Variants in ARFGEF2 observed in about 807,000 individuals in gnomAD.
The protein encoded by ARFGEF2 is brefeldin A-inhibited guanine nucleotide-exchange protein 2.
Under a neutral mutation model 219.9 loss-of-function variants are expected in ARFGEF2, and 74 were observed. The observed-to-expected ratio is 0.34, with a 90% CI of 0.28 to 0.41. The LOEUF is 0.41. ARFGEF2 is among the 10% of genes least tolerant of loss of function. The pLI is 1.00. For synonymous variants in ARFGEF2, 733 were observed against 799.2 expected (o/e 0.92, Z 1.40); for missense variants, 1,743 against 2,218.3 (o/e 0.79, Z 4.30).
rs1316595128 is a variant in ARFGEF2, at chr20:49,013,475, G to A, written c.3919-89G>A. ...ATGGAGATTTTTGGGAGAGAAAAAT[G>A]TGTGGGGCCTTAATCTGCATATAGT... On this transcript the variant is annotated intron_variant, in intron 28 of 38. Coordinates refer to ENST00000371917, the MANE Select transcript of ARFGEF2 (RefSeq NM_006420.3). 5 of 1,549,704 alleles carry A rather than the reference G, an allele frequency of 3.2e-6. No individual in the cohort carries two copies. The Admixed American group carries it at 8.4e-5, about 26-fold the overall frequency.
At chr20:48,980,360 T>G in intron 14 of ARFGEF2, among the ~76,000 whole-genome samples, 1 of 152,238 alleles carries the variant, frequency 6.6e-6, no homozygotes, top group Non-Finnish European at 1.5e-5. Context: ...TTTGTTGTGA[T>G]TTCTGTTCTT....
intron 3 of ARFGEF2, among the ~76,000 whole-genome samples, chr20:48,950,803 AAAAAAAAAATATAT>A (rs1210255663): frequency 2.0e-4 from 8 of 39,668 alleles, no homozygotes; most frequent in Admixed American, 4.3e-4. Flanking sequence ...CTAAAAAAAA[AAAAAAAAAATATAT>A]ATATATATAT....
At chr20:48,984,229 A>G (rs1600633176) in intron 14 of ARFGEF2, among the ~76,000 whole-genome samples, 3 of 152,158 alleles carry the variant, frequency 2.0e-5, no homozygotes, top group Non-Finnish European at 4.4e-5. Context: ...GGGTGGCCTC[A>G]TGGTATAAGA....
intron 37 of ARFGEF2, 78 bp from the exon 38 acceptor site, chr20:49,031,971 C>A: frequency 1.9e-6 from 2 of 1,031,570 alleles, no homozygotes; most frequent in Non-Finnish European, 3.0e-6. Flanking sequence ...AAAAATAGCA[C>A]AAGAATGAAT....
intron 13 of ARFGEF2, among the ~76,000 whole-genome samples, chr20:48,975,091 G>A (rs1207836747): frequency 2.0e-5 from 3 of 152,168 alleles, no homozygotes; most frequent in Non-Finnish European, 4.4e-5. Context: ...AGTTGCTCTA[G>A]TGCCTTTTTA....
intron 25 of ARFGEF2, among the ~76,000 whole-genome samples, chr20:49,004,039 T>G (rs2091440804): frequency 6.6e-6 from 1 of 152,164 alleles, no homozygotes; most frequent in Admixed American, 6.5e-5. Flanking sequence ...AGATGTTGTT[T>G]AATGGATATA....
intron 25 of ARFGEF2, among the ~76,000 whole-genome samples, chr20:48,999,081 C>CA (rs2091408902): frequency 1.3e-5 from 2 of 151,922 alleles, no homozygotes; most frequent in African/African-American, 4.8e-5. Context: ...ATTAAAAATG[C>CA]AAAAAAATTA....
intron 1 of ARFGEF2, among the ~76,000 whole-genome samples, chr20:48,929,651 A>T (rs980598025): frequency 6.6e-6 from 1 of 152,254 alleles, no homozygotes; most frequent in Non-Finnish European, 1.5e-5. Flanking sequence ...AGTCTCACTC[A>T]TTCATTGAGA....
At chr20:48,922,048 C>T in intron 1 of ARFGEF2, 38 bp downstream of exon 1, 1 of 1,559,764 alleles carries the variant, frequency 6.4e-7, no homozygotes, top group South Asian at 1.2e-5. Context: ...GCGCTGGCCT[C>T]AGCACGTCGG....
intron 15 of ARFGEF2, 101 bp from the exon 16 acceptor site, chr20:48,985,307 A>T (rs2091320700): frequency 3.2e-6 from 4 of 1,246,808 alleles, no homozygotes; most frequent in Non-Finnish European, 4.7e-6. Flanking sequence ...TATTCTGGGC[A>T]GTTAGGGCCA....
chr20:48,990,692 A>T (rs2091352680), intron 20 of ARFGEF2, among the ~76,000 whole-genome samples: 1 of 152,218 alleles, frequency 6.6e-6, no homozygotes, highest in Admixed American at 6.5e-5. Context: ...CCTCATTTGT[A>T]AACTTGAGAA....
chr20:49,009,576 G>A (rs1284135614), intron 26 of ARFGEF2, among the ~76,000 whole-genome samples: 1 of 152,258 alleles, frequency 6.6e-6, no homozygotes. Context: ...AGATAATAAG[G>A]TTCCTCCATA....
chr20:49,033,181 A>T lies in ARFGEF2; in HGVS notation c.5340A>T (p.Ala1780=). The T allele has an allele frequency of 8.1e-6, 13 of 1,614,234 alleles. No individual in the cohort carries two copies. Among genetic ancestry groups the T allele is most frequent in the Non-Finnish European group, 1.0e-5 (12 of 1,180,024 alleles). The change falls in exon 39 of 39, where the codon GCA becomes GCT. Residue 1780 remains alanine (A), a synonymous_variant. Coordinates refer to ENST00000371917, the MANE Select transcript of ARFGEF2 (RefSeq NM_006420.3). ...IPEEPSQVPA[A]LSPVW is the part of the protein sequence containing the mutation. ...AAGAGCCATCACAGGTACCAGCAGC[A>T]CTGTCACCAGTGTGGTAGCCCTGGC...
chr20:49,025,171 T>C (rs1230338867), intron 35 of ARFGEF2, 142 bp from the exon 36 acceptor site: 32 of 862,410 alleles, frequency 3.7e-5, no homozygotes, highest in Non-Finnish European at 6.0e-5. Context: ...TAAATGGAAA[T>C]GTTTCAGGGT....
Position 48,921,786 on chromosome 20 carries a change from C to G in ARFGEF2, c.-104C>G, listed in dbSNP as rs1158121144. On this transcript the variant is annotated 5_prime_UTR_variant, in exon 1 of 39. Transcript: ENST00000371917. ...TCGCTTCCTGACGGGGCGGCGCGGA[C>G]GGACGCGGCCGGTGCCGGCCGGGAC... The G allele has an allele frequency of 1.1e-5, 13 of 1,144,366 alleles. No homozygotes were observed. In the Middle Eastern group the frequency reaches 1.0e-3, roughly 89 times the overall value. 70.9% of individuals were successfully genotyped at this position (1,144,366 alleles called of 1,614,324 possible). A position where few individuals can be genotyped will look rare whatever the true frequency, so the allele number is the denominator to read the frequency against.
chr20:48,976,567 A>T (rs951541615), intron 14 of ARFGEF2, among the ~76,000 whole-genome samples: 1 of 152,132 alleles, frequency 6.6e-6, no homozygotes, highest in Non-Finnish European at 1.5e-5. Context: ...CCAGCACTTT[A>T]GGAGGCTGAG....
intron 36 of ARFGEF2, 118 bp downstream of exon 36, chr20:49,025,599 C>T: frequency 1.7e-6 from 2 of 1,152,734 alleles, no homozygotes; most frequent in Non-Finnish European, 2.5e-6. Context: ...CAGATATTTT[C>T]ATGCTTGAGG....
intron 3 of ARFGEF2, among the ~76,000 whole-genome samples, chr20:48,948,444 C>T (rs2091043200): frequency 6.6e-6 from 1 of 152,160 alleles, no homozygotes; most frequent in Non-Finnish European, 1.5e-5. Flanking sequence ...GGAGACATGC[C>T]TCAGTTTCTC....
At chr20:48,929,349 G>A (rs887537736) in intron 1 of ARFGEF2, among the ~76,000 whole-genome samples, 1 of 152,196 alleles carries the variant, frequency 6.6e-6, no homozygotes, top group Admixed American at 6.5e-5. Flanking sequence ...CTAGGGAGTG[G>A]TCAGTGTATA....
Sources: gnomAD v4.1 joint callset for allele counts (sites outside exome capture counted in the v4.1 genomes callset) on GRCh38, gnomAD v4.1.1 for gene constraint, MANE v1.5 for transcripts, NCBI Gene and HGNC (gene_info 2026-07-23, HGNC 2026-07-21) for gene names.